Variants in ANO3 observed in about 807,000 individuals in gnomAD.
ANO3 encodes anoctamin 3.
In ANO3, 99 loss-of-function variants were observed where a neutral mutation model predicts 144.8. The ratio of observed to expected loss-of-function variants is 0.68; its 90% CI spans 0.58 to 0.81. The LOEUF (loss-of-function observed/expected upper bound fraction) is 0.81. ANO3 is among the 30% of genes least tolerant of loss of function. The probability of loss-of-function intolerance (pLI) is 0.00; values close to 1 mark genes in which losing one functional copy is unlikely to be tolerated. For missense variants in ANO3, 905 were observed against 1,202.2 expected (o/e 0.75, Z 3.66); for synonymous variants, 414 against 392.6 (o/e 1.05, Z -0.64).
At chr11:26,600,345 T>G (rs188730504) in intron 17 of ANO3, among the ~76,000 whole-genome samples, 1 of 45,106 alleles carries the variant, frequency 2.2e-5, no homozygotes, top group African/African-American at 9.1e-5. Flanking sequence ...CCCCTCTCCT[T>G]TCCTCTCCCC....
chr11:26,198,288 T>G (rs1015616762), intron 1 of ANO3, among the ~76,000 whole-genome samples: 1 of 152,170 alleles, frequency 6.6e-6, no homozygotes, highest in African/African-American at 2.4e-5. Flanking sequence ...TGTCACTCTG[T>G]ATTATCCTGT....
rs187726433 is a variant in ANO3 at position 26,488,847 on chromosome 11, C to T, written c.433-19257C>T. 8.3e-3 allele frequency among the ~76,000 whole-genome samples: 1,258 copies of T among 152,220 alleles called. 17 individuals carry two copies. Among genetic ancestry groups the T allele is most frequent in the African/African-American group, 0.029 (1,186 of 41,542 alleles). Reference sequence around the variant, plus strand: ...AGCAGGTTGCTTGGCACTGCTGGCTCGGGTGGCCAGGTTTTATTCCCTTAT... The same window carrying T: ...AGCAGGTTGCTTGGCACTGCTGGCTTGGGTGGCCAGGTTTTATTCCCTTAT... On this transcript the variant is annotated intron_variant, in intron 4 of 26. Transcript: ENST00000256737.
intron 3 of ANO3, among the ~76,000 whole-genome samples, chr11:26,458,082 A>T (rs1379104761): frequency 6.6e-5 from 10 of 152,116 alleles, no homozygotes; most frequent in African/African-American, 2.2e-4. Flanking sequence ...TGGTATTGTA[A>T]TTTAGTGCTA....
chr11:26,489,061 C>A (rs375259876), intron 4 of ANO3, among the ~76,000 whole-genome samples: 1 of 152,188 alleles, frequency 6.6e-6, no homozygotes, highest in Admixed American at 6.5e-5. Flanking sequence ...AGTGCCCACC[C>A]GACCCAGAAG....
chr11:26,448,240 G>A (rs1259118897), intron 3 of ANO3, among the ~76,000 whole-genome samples: 3 of 151,490 alleles, frequency 2.0e-5, no homozygotes, highest in Middle Eastern at 3.4e-3. Flanking sequence ...CGGAGGTTGC[G>A]GTGAGCCGAG....
At chr11:26,527,722 C>G (rs1849201678) in intron 7 of ANO3, among the ~76,000 whole-genome samples, 1 of 152,128 alleles carries the variant, frequency 6.6e-6, no homozygotes, top group Admixed American at 6.6e-5. Flanking sequence ...CCTTCTCCAG[C>G]AGGTTGAAAG....
At chr11:26,440,477 T>TAA (rs202163311) in intron 1 of ANO3, among the ~76,000 whole-genome samples, 3,129 of 152,112 alleles carry the variant, frequency 0.021, 41 homozygotes, top group Admixed American at 0.039. Flanking sequence ...CTGGAACTGG[T>TAA]AAACGAAAAT....
At chr11:26,572,597 T>C (rs1356317774) in intron 14 of ANO3, among the ~76,000 whole-genome samples, 1 of 152,144 alleles carries the variant, frequency 6.6e-6, no homozygotes, top group Non-Finnish European at 1.5e-5. Flanking sequence ...TAGATTGCCC[T>C]ATTTGTGTAC....
intron 18 of ANO3, among the ~76,000 whole-genome samples, chr11:26,626,342 G>C (rs1019208664): frequency 6.6e-5 from 10 of 152,192 alleles, no homozygotes; most frequent in African/African-American, 2.4e-4. Flanking sequence ...GAGCAGGACT[G>C]GATAAGGAGA....
chr11:26,197,582 AC>A (rs1233604042), intron 1 of ANO3, among the ~76,000 whole-genome samples: 4 of 151,980 alleles, frequency 2.6e-5, no homozygotes, highest in Non-Finnish European at 2.9e-5. Flanking sequence ...TGATCTCCTG[AC>A]CTTGTGATCC....
chr11:26,262,625 T>G (rs1025221063), intron 1 of ANO3, among the ~76,000 whole-genome samples: 1 of 151,990 alleles, frequency 6.6e-6, no homozygotes, highest in Non-Finnish European at 1.5e-5. Context: ...TAACACCCAA[T>G]GTAATGGTAT....
intron 14 of ANO3, among the ~76,000 whole-genome samples, chr11:26,584,709 A>C (rs1291234427): frequency 1.3e-5 from 2 of 152,246 alleles, no homozygotes; most frequent in African/African-American, 2.4e-5. Context: ...GCTCACTGAT[A>C]TATTTCAACC....
At chr11:26,499,821 A>G (rs532518975) in intron 4 of ANO3, among the ~76,000 whole-genome samples, 2 of 152,030 alleles carry the variant, frequency 1.3e-5, no homozygotes, top group East Asian at 3.9e-4. Context: ...TTTACATGCT[A>G]TACAATTAAT....
chr11:26,222,659 C>T (rs1482971232), intron 1 of ANO3, among the ~76,000 whole-genome samples: 1 of 152,236 alleles, frequency 6.6e-6, no homozygotes, highest in Non-Finnish European at 1.5e-5. Context: ...AGCTGCCATG[C>T]TTCTTTAAGT....
intron 1 of ANO3, among the ~76,000 whole-genome samples, chr11:26,383,795 T>C (rs1347253864): frequency 6.6e-6 from 1 of 151,504 alleles, no homozygotes; most frequent in Non-Finnish European, 1.5e-5. Flanking sequence ...CAGTTAATAA[T>C]TAGAAGTAAT....
At chr11:26,549,506 C>T (rs1477040394) in intron 12 of ANO3, among the ~76,000 whole-genome samples, 5 of 151,758 alleles carry the variant, frequency 3.3e-5, no homozygotes, top group African/African-American at 1.2e-4. Context: ...TTGCTTGTTG[C>T]AGGGTAGAAA....
intron 1 of ANO3, among the ~76,000 whole-genome samples, chr11:26,229,955 G>T (rs1382444123): frequency 6.6e-6 from 1 of 152,068 alleles, no homozygotes; most frequent in African/African-American, 2.4e-5. Context: ...GTCACCCTCT[G>T]ATCCTTTATT....
chr11:26,583,969 T>G (rs887899976), intron 14 of ANO3, among the ~76,000 whole-genome samples: 3 of 152,232 alleles, frequency 2.0e-5, no homozygotes, highest in African/African-American at 7.2e-5. Context: ...TTAGCTTCAT[T>G]TGTGTTTGAA....
At chr11:26,361,756 C>T (rs1211323936) in intron 1 of ANO3, among the ~76,000 whole-genome samples, 2 of 152,142 alleles carry the variant, frequency 1.3e-5, no homozygotes, top group African/African-American at 4.8e-5. Flanking sequence ...AGTTTTTTGA[C>T]ACTCTGGTTT....
Sources: allele counts gnomAD v4.1 joint callset (sites outside exome capture counted in the v4.1 genomes callset), GRCh38; gene constraint gnomAD v4.1.1; transcripts MANE v1.5; gene names NCBI Gene and HGNC (gene_info 2026-07-23, HGNC 2026-07-21).